ERI3: variants seen among roughly 807,000 people sequenced by gnomAD.
ERI3 encodes the protein ERI1 exoribonuclease 3.
A neutral mutation model predicts 44.4 loss-of-function variants in ERI3; 18 were observed. That is an observed-to-expected ratio of 0.41 (90% CI 0.28 to 0.60). The LOEUF (loss-of-function observed/expected upper bound fraction) is 0.60. ERI3 is among the 20% of genes least tolerant of loss of function. ERI3 has a pLI of 0.36. For synonymous variants in ERI3, 183 were observed against 164.8 expected (o/e 1.11, Z -0.84); for missense variants, 294 against 435.5 (o/e 0.68, Z 2.89).
intron 3 of ERI3, among the ~76,000 whole-genome samples, chr1:44,333,630 C>T (rs114127723): frequency 0.015 from 2,239 of 152,300 alleles, 49 homozygotes; most frequent in African/African-American, 0.051. Context: ...AGGATTCCTG[C>T]CTTTCAGCCT....
intron 4 of ERI3, among the ~76,000 whole-genome samples, chr1:44,314,205 C>G (rs983738299): frequency 6.6e-6 from 1 of 151,762 alleles, no homozygotes; most frequent in Non-Finnish European, 1.5e-5. Context: ...TTAATGAATA[C>G]CAAATACCCA....
At chr1:44,278,660 A>C (rs1435927303) in intron 7 of ERI3, among the ~76,000 whole-genome samples, 2 of 152,154 alleles carry the variant, frequency 1.3e-5, no homozygotes, top group South Asian at 2.1e-4. Flanking sequence ...GCTGTGGCAC[A>C]ATCTCAGCTC....
rs577689750 is a variant in ERI3, at chr1:44,223,067, G to A, written c.932-1427C>T. 5.3e-5 allele frequency among the ~76,000 whole-genome samples: 8 copies of A among 152,312 alleles called. No homozygotes were observed. In the South Asian group the frequency reaches 1.7e-3, roughly 32 times the overall value. ...GGCAAGTCAGACAGGGTCCTGTGTCGCAGAGATCAGCATGGACGCACCTGC... is the reference window on the plus strand; with the variant it reads ...GGCAAGTCAGACAGGGTCCTGTGTCACAGAGATCAGCATGGACGCACCTGC... On this transcript the variant is annotated intron_variant, in intron 8 of 8. Transcript: ENST00000372257.
At chr1:44,229,561 T>C (rs1038039943) in intron 8 of ERI3, among the ~76,000 whole-genome samples, 1 of 151,974 alleles carries the variant, frequency 6.6e-6, no homozygotes, top group African/African-American at 2.4e-5. Context: ...AGGGAATAAA[T>C]AGAATTTCCA....
chr1:44,247,563 A>C (rs1644580896), intron 8 of ERI3, among the ~76,000 whole-genome samples: 1 of 152,160 alleles, frequency 6.6e-6, no homozygotes. Context: ...GTGGCCACAG[A>C]CTTCAAACAA....
In ERI3 at chr1:44,241,932, C is replaced by T; in HGVS notation, c.931+6007G>A. 1.0e-6 allele frequency: 1 copy of T among 985,672 alleles called. No homozygotes were observed. The highest frequency in any genetic ancestry group is 4.7e-5 in the South Asian group (1 of 21,288). The allele number at this position is 985,672 out of a possible 1,614,324, so 61.1% of individuals were successfully genotyped here. A position where few individuals can be genotyped will look rare whatever the true frequency, so the allele number is the denominator to read the frequency against. On this transcript the variant is annotated intron_variant, in intron 8 of 8. Transcript: ENST00000372257. This position sits in a 1 kb window ranked among gnomAD's most constrained non-coding sequence, Gnocchi z 5.6. The stretch of plus-strand genomic sequence containing the variant: ...CAACTCACCCATCCATCTAGCCATT[C>T]TTCCATCTATGGTTGCTACTGAAGA...
chr1:44,313,604 T>A (rs1243354005), intron 4 of ERI3, among the ~76,000 whole-genome samples: 1 of 152,186 alleles, frequency 6.6e-6, no homozygotes, highest in Non-Finnish European at 1.5e-5. Context: ...CAGTCTCAAG[T>A]AAATTCAGCT....
At chr1:44,305,419 G>A (rs148472593) in intron 6 of ERI3, among the ~76,000 whole-genome samples, 9 of 152,318 alleles carry the variant, frequency 5.9e-5, no homozygotes, top group East Asian at 1.9e-4. Flanking sequence ...CAAGCAAGGC[G>A]AAGAAAAAGT....
At position 44,354,982 on chromosome 1, in the gene ERI3, G is replaced by A. The variant is rs1646968911; in HGVS notation, c.45C>T (p.Pro15=). The change falls in exon 1 of 9, where the codon CCC becomes CCT. Residue 15 remains proline, a synonymous_variant. Transcript: ENST00000372257. ...SPAADGGRGR[P]WEGGLVSWPP... Reference sequence around the variant, plus strand: ...GCCAGGAGACCAGCCCTCCTTCCCAGGGCCGCCCCCGCCCCCCGTCAGCAG... The same window carrying A: ...GCCAGGAGACCAGCCCTCCTTCCCAAGGCCGCCCCCGCCCCCCGTCAGCAG... 2 of 1,369,764 alleles carry A rather than the reference G, an allele frequency of 1.5e-6. No homozygotes were observed. The highest frequency in any genetic ancestry group is 2.1e-5 in the South Asian group (1 of 46,958). The allele number at this position is 1,369,764 out of a possible 1,614,324, so 84.9% of individuals were successfully genotyped here.
At chr1:44,324,282 A>G (rs1421826036) in intron 3 of ERI3, among the ~76,000 whole-genome samples, 1 of 152,120 alleles carries the variant, frequency 6.6e-6, no homozygotes, top group African/African-American at 2.4e-5. Flanking sequence ...TCTGCCTAAG[A>G]TGTCAAAGAT....
intron 8 of ERI3, among the ~76,000 whole-genome samples, chr1:44,238,838 CCCT>C (rs1441315834): frequency 6.6e-6 from 1 of 151,848 alleles, no homozygotes; most frequent in Non-Finnish European, 1.5e-5. Context: ...AGGAAGAGTC[CCCT>C]CCTCCTCCTC....
chr1:44,323,161 T>C, intron 3 of ERI3: 1 of 270,254 alleles, frequency 3.7e-6, no homozygotes, highest in Non-Finnish European at 6.9e-6. Flanking sequence ...ATAATAGCTT[T>C]ACAATTCTTT....
intron 8 of ERI3, among the ~76,000 whole-genome samples, chr1:44,226,816 A>ACACACACACAG (rs1557764563): frequency 1.1e-5 from 1 of 87,358 alleles, no homozygotes; most frequent in African/African-American, 4.9e-5. Flanking sequence ...CACACACACA[A>ACACACACACAG]ACTATCCTAT....
At chr1:44,259,633 G>C (rs1226299527) in intron 7 of ERI3, among the ~76,000 whole-genome samples, 1 of 151,004 alleles carries the variant, frequency 6.6e-6, no homozygotes, top group Non-Finnish European at 1.5e-5. Context: ...ATTGAACCCA[G>C]GAGTTCGAGA....
At chr1:44,263,759 C>T (rs930155244) in intron 7 of ERI3, among the ~76,000 whole-genome samples, 2 of 152,224 alleles carry the variant, frequency 1.3e-5, no homozygotes, top group Admixed American at 6.5e-5. Flanking sequence ...CCTCACCCAA[C>T]ACACACTCTT....
intron 7 of ERI3, among the ~76,000 whole-genome samples, chr1:44,265,756 T>C (rs1295441124): frequency 6.6e-6 from 1 of 152,020 alleles, no homozygotes; most frequent in Non-Finnish European, 1.5e-5. Context: ...CTTGAAAATA[T>C]ACTAAGTGAA....
At chr1:44,245,408 G>A (rs1644534714) in intron 8 of ERI3, among the ~76,000 whole-genome samples, 1 of 152,146 alleles carries the variant, frequency 6.6e-6, no homozygotes, top group Non-Finnish European at 1.5e-5. Context: ...AGCCGCTGGT[G>A]CTGGCAACAG....
At chr1:44,307,527 C>G (rs569356993) in intron 6 of ERI3, among the ~76,000 whole-genome samples, 76 of 152,286 alleles carry the variant, frequency 5.0e-4, no homozygotes, top group African/African-American at 1.8e-3. Flanking sequence ...GTGCCCCCAC[C>G]ACCTCCATCC....
chr1:44,344,267 AT>A (rs1646741514), intron 2 of ERI3, among the ~76,000 whole-genome samples: 2 of 151,636 alleles, frequency 1.3e-5, no homozygotes, highest in African/African-American at 2.4e-5. Context: ...AAATAAATAA[AT>A]AAATAAATAA....
Sources: allele counts gnomAD v4.1 joint callset (sites outside exome capture counted in the v4.1 genomes callset), GRCh38; gene constraint gnomAD v4.1.1; non-coding constraint Gnocchi (gnomAD v3.1); transcripts MANE v1.5; gene names NCBI Gene and HGNC (gene_info 2026-07-23, HGNC 2026-07-21).